EXOC5: variants seen among roughly 807,000 people sequenced by gnomAD.
EXOC5 encodes SEC10-like 1.
EXOC5 carries 17 observed loss-of-function variants against 90.8 expected under a neutral mutation model. The observed-to-expected ratio is 0.19, with a 90% CI of 0.13 to 0.28. The LOEUF (loss-of-function observed/expected upper bound fraction) is 0.28, where lower values mean the gene tolerates loss of function less well. Ranked by LOEUF, EXOC5 falls within the 10% of genes least tolerant of loss-of-function variation. The pLI is 1.00. For synonymous variants in EXOC5, 260 were observed against 270.0 expected (o/e 0.96, Z 0.36); for missense variants, 569 against 830.6 (o/e 0.69, Z 3.87).
At chr14:57,268,349 G>T in intron 1 of EXOC5, 2 of 798,606 alleles carry the variant, frequency 2.5e-6, no homozygotes, top group Non-Finnish European at 1.9e-6. Context: ...TTTCCCTCTT[G>T]CCCCCACAAA....
In EXOC5 at chr14:57,200,708, AACACTTT is replaced by A; in HGVS notation, c.*7894_*7900del. Reference sequence around the variant, plus strand: ...AATGTAAGTTCTGTGTCTTGGGCATAACACTTTACCCCCTCCTCAATTCAGCTTTACT... The same window carrying A: ...AATGTAAGTTCTGTGTCTTGGGCATAACCCCCTCCTCAATTCAGCTTTACT... On this transcript the variant is annotated 3_prime_UTR_variant, in exon 18 of 18. Transcript: ENST00000621441. The A allele has an allele frequency of 6.6e-6, 1 of 151,994 alleles. No individual in the cohort carries two copies. Among genetic ancestry groups the A allele is most frequent in the African/African-American group, 2.4e-5 (1 of 41,484 alleles). 9.4% of individuals were successfully genotyped at this position (151,994 alleles called of 1,614,324 possible).
intron 6 of EXOC5, 74 bp from the exon 7 acceptor site, chr14:57,235,894 A>G (rs1431458301): frequency 5.4e-6 from 4 of 742,070 alleles, no homozygotes; most frequent in African/African-American, 1.7e-5. Context: ...TACATTATTT[A>G]CAAATATAAT....
intron 17 of EXOC5, 82 bp from the exon 18 acceptor site, chr14:57,208,879 G>C: frequency 1.1e-6 from 1 of 899,722 alleles, no homozygotes; most frequent in Admixed American, 2.3e-5. Flanking sequence ...TTTACATACT[G>C]TCAGGTGGGA....
At chr14:57,268,050 T>C (rs898203259) in intron 1 of EXOC5, among the ~76,000 whole-genome samples, 2 of 152,018 alleles carry the variant, frequency 1.3e-5, no homozygotes, top group African/African-American at 2.4e-5. Flanking sequence ...AAGAGATAAG[T>C]AGGCCTTTAT....
chr14:57,203,025 C>A lies in EXOC5; in HGVS notation c.*5584G>T, dbSNP rs1456218987. 6.6e-6 allele frequency: 1 copy of A among 152,318 alleles called. No individual in the cohort carries two copies. Among genetic ancestry groups the A allele is most frequent in the East Asian group, 1.9e-4 (1 of 5,188 alleles). 9.4% of individuals were successfully genotyped at this position (152,318 alleles called of 1,614,324 possible). A position where few individuals can be genotyped will look rare whatever the true frequency, so the allele number is the denominator to read the frequency against. ...TCCTCTAAATGGTACACAGTATTCA[C>A]AAACAATATGCTTAGAGGTAGCTTC... On this transcript the variant is annotated 3_prime_UTR_variant, in exon 18 of 18. Coordinates refer to ENST00000621441, the MANE Select transcript of EXOC5 (RefSeq NM_006544.4).
In EXOC5 at chr14:57,232,764, T is replaced by A; in HGVS notation, c.856-15A>T. On this transcript the variant is annotated splice_polypyrimidine_tract_variant and intron_variant, in intron 9 of 17. Transcript: ENST00000621441. The stretch of plus-strand genomic sequence containing the variant: ...TTCACAAAACTCTAAAAGAAAAAGG[T>A]TAACATTCTGTTAATTAGGTAAATA... 7.7e-7 allele frequency: 1 copy of A among 1,300,038 alleles called. No homozygotes were observed. Among genetic ancestry groups the A allele is most frequent in the South Asian group, 1.3e-5 (1 of 76,154 alleles). The allele number at this position is 1,300,038 out of a possible 1,614,324, so 80.5% of individuals were successfully genotyped here.
chr14:57,254,488 A>T (rs1346515402), intron 1 of EXOC5, among the ~76,000 whole-genome samples: 1 of 152,120 alleles, frequency 6.6e-6, no homozygotes, highest in Non-Finnish European at 1.5e-5. Context: ...ATGCAAATCA[A>T]AACTACCATG....
chr14:57,234,533 GTGTGTATATATATATATA>G (rs1414277933), intron 7 of EXOC5, among the ~76,000 whole-genome samples: 5 of 146,746 alleles, frequency 3.4e-5, no homozygotes, highest in Non-Finnish European at 7.5e-5. Context: ...GTGTGTGTGT[GTGTGTATATATATATATA>G]TGTGTATATA....
At chr14:57,264,684 T>C (rs1222769965) in intron 1 of EXOC5, among the ~76,000 whole-genome samples, 1 of 152,200 alleles carries the variant, frequency 6.6e-6, no homozygotes, top group East Asian at 1.9e-4. Flanking sequence ...ATTGTCTGCT[T>C]TACTGAAAAG....
chr14:57,259,157 T>C (rs1158053690), intron 1 of EXOC5, among the ~76,000 whole-genome samples: 1 of 152,078 alleles, frequency 6.6e-6, no homozygotes, highest in East Asian at 1.9e-4. Context: ...TCACCCAGTC[T>C]GCAATGCAGT....
At chr14:57,263,066 C>T (rs1454765428) in intron 1 of EXOC5, among the ~76,000 whole-genome samples, 1 of 152,124 alleles carries the variant, frequency 6.6e-6, no homozygotes, top group Non-Finnish European at 1.5e-5. Flanking sequence ...CAATTTCTTC[C>T]CCCATAGAAG....
rs752157595 is a variant in EXOC5, at chr14:57,268,669, G to A, written c.-21C>T. 1.3e-6 allele frequency: 2 copies of A among 1,576,220 alleles called. No homozygotes were observed. Among genetic ancestry groups the A allele is most frequent in the Admixed American group, 3.5e-5 (2 of 56,938 alleles). On this transcript the variant is annotated 5_prime_UTR_variant, in exon 1 of 18. Coordinates refer to ENST00000621441, the MANE Select transcript of EXOC5 (RefSeq NM_006544.4). ...GCCATCCCGGCCGGCTGAGAGGCTC[G>A]CCCCCCACTGGATGCCGTCTCCGCT...
intron 1 of EXOC5, among the ~76,000 whole-genome samples, chr14:57,250,493 T>C (rs555462246): frequency 6.6e-6 from 1 of 152,058 alleles, no homozygotes; most frequent in Non-Finnish European, 1.5e-5. Flanking sequence ...GAAAGAAAAA[T>C]ATGCAAATAT....
chr14:57,226,013 G>A (rs10133193), intron 12 of EXOC5, among the ~76,000 whole-genome samples: 37,004 of 152,054 alleles, frequency 0.24, 10,868 homozygotes, highest in African/African-American at 0.71. Flanking sequence ...AATCTGGCTC[G>A]GTGAATCTAC....
chr14:57,210,133 T>C (rs554046107), intron 15 of EXOC5, 72 bp from the exon 16 acceptor site: 1 of 665,154 alleles, frequency 1.5e-6, no homozygotes, highest in South Asian at 2.0e-5. Flanking sequence ...TTATATTATT[T>C]ATGCTAAATT....
chr14:57,245,457 A>C (rs578062341), intron 3 of EXOC5, among the ~76,000 whole-genome samples: 60 of 152,334 alleles, frequency 3.9e-4, no homozygotes, highest in African/African-American at 1.3e-3. Flanking sequence ...TACACAGTTC[A>C]TAAGCGGCAG....
chr14:57,258,999 T>G (rs571420093), intron 1 of EXOC5, among the ~76,000 whole-genome samples: 12 of 152,316 alleles, frequency 7.9e-5, no homozygotes, highest in Admixed American at 6.5e-4. Flanking sequence ...TCATGTATTT[T>G]CCTTAAATTT....
intron 9 of EXOC5, chr14:57,233,021 G>A (rs1395825846): frequency 1.3e-5 from 3 of 228,772 alleles, no homozygotes; most frequent in Admixed American, 1.1e-4. Flanking sequence ...GCTCTGTGAG[G>A]TGCATCAAAA....
chr14:57,261,205 G>A (rs1884494240), intron 1 of EXOC5, among the ~76,000 whole-genome samples: 1 of 152,018 alleles, frequency 6.6e-6, no homozygotes, highest in South Asian at 2.1e-4. Flanking sequence ...TTATTTGCAC[G>A]GTGTTACATG....
Sources: gnomAD v4.1 joint callset for allele counts (sites outside exome capture counted in the v4.1 genomes callset) on GRCh38, gnomAD v4.1.1 for gene constraint, MANE v1.5 for transcripts, NCBI Gene and HGNC (gene_info 2026-07-23, HGNC 2026-07-21) for gene names.